NEBL: variants seen among roughly 807,000 people sequenced by gnomAD.
NEBL encodes LIM and SH3 protein 2.
NEBL carries 122 observed loss-of-function variants against 140.2 expected under a neutral mutation model. That is an observed-to-expected ratio of 0.87 (90% confidence interval 0.75 to 1.01). NEBL has a LOEUF of 1.01. NEBL is among the 50% of genes least tolerant of loss of function. NEBL has a pLI of 0.00. For missense variants in NEBL, 1,365 were observed against 1,231.3 expected, an observed-to-expected ratio of 1.11 and a Z score of -1.62; for synonymous variants, 436 against 398.9, an observed-to-expected ratio of 1.09 and a Z score of -1.11.
intron 9 of NEBL, among the ~76,000 whole-genome samples, chr10:20,855,525 CA>C (rs71390796): frequency 0.019 from 2,613 of 137,100 alleles, 47 homozygotes; most frequent in East Asian, 0.08. Context: ...CAAAACAAAA[CA>C]AAAAAAAAAC....
At chr10:20,848,726 C>A (rs955538753) in intron 11 of NEBL, among the ~76,000 whole-genome samples, 2 of 152,166 alleles carry the variant, frequency 1.3e-5, no homozygotes, top group African/African-American at 4.8e-5. Context: ...TCCCCTCCAA[C>A]ACCACCACCA....
intron 2 of NEBL, among the ~76,000 whole-genome samples, chr10:21,064,548 T>G (rs756255626): frequency 5.3e-5 from 8 of 152,238 alleles, no homozygotes; most frequent in Admixed American, 1.3e-4. Context: ...ATTAACCATT[T>G]AAAAGCAACT....
chr10:20,816,918 A>G (rs1229548543), intron 21 of NEBL, among the ~76,000 whole-genome samples: 1 of 152,132 alleles, frequency 6.6e-6, no homozygotes, highest in Non-Finnish European at 1.5e-5. Context: ...TGGGAAGTGG[A>G]AAGTGGGGCT....
At chr10:21,216,023 G>A (rs149774891) in intron 3 of NEBL, among the ~76,000 whole-genome samples, 23 of 152,226 alleles carry the variant, frequency 1.5e-4, no homozygotes, top group Non-Finnish European at 3.2e-4. Context: ...CTACTTCCCA[G>A]CAGGGTCAGT....
At chr10:21,036,090 G>T (rs1182262811) in intron 2 of NEBL, among the ~76,000 whole-genome samples, 3 of 151,888 alleles carry the variant, frequency 2.0e-5, no homozygotes, top group Admixed American at 6.6e-5. Context: ...TTGAACCCAG[G>T]GGGCAGAAGG....
intron 4 of NEBL, among the ~76,000 whole-genome samples, chr10:20,932,463 A>G (rs1368275974): frequency 6.6e-6 from 1 of 152,190 alleles, no homozygotes; most frequent in African/African-American, 2.4e-5. Context: ...TAGGACAAAC[A>G]ACTAATGTAT....
intron 3 of NEBL, 108 bp downstream of exon 3, chr10:20,889,737 G>A (rs1428840992): frequency 1.3e-6 from 1 of 745,158 alleles, no homozygotes; most frequent in Non-Finnish European, 2.4e-6. Context: ...CTAACATTCA[G>A]TAGTGCTTTT....
At chr10:21,180,018 TCCTAGATACTCAGGA>T (rs761662433) in intron 3 of NEBL, among the ~76,000 whole-genome samples, 3 of 151,968 alleles carry the variant, frequency 2.0e-5, no homozygotes, top group Non-Finnish European at 4.4e-5. Context: ...GCACTTGTAA[TCCTAGATACTCAGGA>T]AGCTGAGGAA....
intron 2 of NEBL, among the ~76,000 whole-genome samples, chr10:21,117,645 C>T (rs770916942): frequency 5.3e-5 from 8 of 152,148 alleles, no homozygotes; most frequent in African/African-American, 9.7e-5. Context: ...CTATATATTG[C>T]CTAGTTATTC....
intron 2 of NEBL, chr10:21,029,377 C>T: frequency 6.2e-7 from 1 of 1,611,518 alleles, no homozygotes; most frequent in Non-Finnish European, 8.5e-7. Context: ...AGTGCGTTTA[C>T]CACGTGAACC....
chr10:20,833,725 C>A (rs1840630117), intron 14 of NEBL, among the ~76,000 whole-genome samples: 1 of 147,778 alleles, frequency 6.8e-6, no homozygotes, highest in Non-Finnish European at 1.5e-5. Context: ...CACTGCACTC[C>A]AGCCTGGGCG....
intron 1 of NEBL, among the ~76,000 whole-genome samples, chr10:21,261,560 T>C (rs995000135): frequency 4.0e-5 from 6 of 151,366 alleles, no homozygotes; most frequent in Non-Finnish European, 5.9e-5. Context: ...GGCAGAAGGA[T>C]TGCTTAGGCC....
At chr10:20,929,756 G>A (rs1162329885) in intron 4 of NEBL, among the ~76,000 whole-genome samples, 2 of 151,782 alleles carry the variant, frequency 1.3e-5, no homozygotes, top group Non-Finnish European at 2.9e-5. Flanking sequence ...AAAGTGGGGA[G>A]GGTGGGAGGG....
At position 21,150,941 on chromosome 10, in the gene NEBL, G is replaced by A. The variant is rs188522654; in HGVS notation, c.164+21442C>T. On this transcript the variant is annotated intron_variant, in intron 2 of 6. Coordinates refer to the NEBL transcript ENST00000417816. ...AAGGTGGTGCTCGATGCTCAAAAGA[G>A]GTGAGAGGAATGTTTCCTCAGCCAA... Among the ~76,000 whole-genome samples the A allele has an allele frequency of 1.8e-3, 270 of 152,268 alleles. 8 individuals carry two copies. The highest frequency in any genetic ancestry group is 3.4e-3 in the Middle Eastern group (1 of 294).
At chr10:21,139,482 AATCC>A (rs1839511749) in intron 2 of NEBL, among the ~76,000 whole-genome samples, 1 of 152,198 alleles carries the variant, frequency 6.6e-6, no homozygotes, top group Non-Finnish European at 1.5e-5. Flanking sequence ...CAAGGTTGAA[AATCC>A]ATCGCATCTG....
intron 2 of NEBL, among the ~76,000 whole-genome samples, chr10:21,022,802 T>C (rs1256004521): frequency 3.9e-5 from 6 of 151,984 alleles, no homozygotes; most frequent in Non-Finnish European, 8.8e-5. Flanking sequence ...TGTCAAGAGA[T>C]AATTTCTCAC....
At chr10:21,111,442 C>G (rs1838009222) in intron 2 of NEBL, among the ~76,000 whole-genome samples, 1 of 152,048 alleles carries the variant, frequency 6.6e-6, no homozygotes. Context: ...CACCATGCAT[C>G]TACAACCATC....
intron 2 of NEBL, among the ~76,000 whole-genome samples, chr10:21,123,015 T>C (rs1030530317): frequency 6.6e-6 from 1 of 152,198 alleles, no homozygotes; most frequent in Non-Finnish European, 1.5e-5. Flanking sequence ...CTGGTTCTAA[T>C]AACAAGCCAG....
chr10:21,041,799 T>G (rs557776534), intron 2 of NEBL, among the ~76,000 whole-genome samples: 3 of 152,356 alleles, frequency 2.0e-5, no homozygotes, highest in African/African-American at 7.2e-5. Flanking sequence ...TTATGAGTTT[T>G]CCAGGGAAGG....
Sources: gnomAD v4.1 joint callset for allele counts (sites outside exome capture counted in the v4.1 genomes callset) on GRCh38, gnomAD v4.1.1 for gene constraint, MANE v1.5 for transcripts, NCBI Gene and HGNC (gene_info 2026-07-23, HGNC 2026-07-21) for gene names.